Variants in COA1 observed in about 807,000 individuals in gnomAD.
COA1 encodes the protein cytochrome c oxidase assembly factor 1 homolog.
A neutral mutation model predicts 16.0 loss-of-function variants in COA1; 13 were observed. That is an observed-to-expected ratio of 0.81 (90% CI 0.53 to 1.29). The LOEUF is 1.29. Among genes scored for constraint, COA1 ranks in the 50% most tolerant of loss-of-function variants. COA1 has a pLI of 0.00. For missense variants in COA1, 179 were observed against 177.0 expected (o/e 1.01, Z -0.06); for synonymous variants, 65 against 65.7 (o/e 0.99, Z 0.05).
At chr7:43,640,466 C>G (rs2086765971) in intron 5 of COA1, 107 bp downstream of exon 5, 1 of 838,328 alleles carries the variant, frequency 1.2e-6, no homozygotes, top group Admixed American at 2.7e-5. Context: ...AAAAATAATT[C>G]TTCCTATGCC....
intron 1 of COA1, chr7:43,650,417 G>A (rs2090503634): frequency 6.6e-6 from 1 of 152,172 alleles, no homozygotes; most frequent in South Asian, 2.1e-4. Flanking sequence ...AATAGGTAAG[G>A]AAATGAAGAT....
intron 6 of COA1, among the ~76,000 whole-genome samples, chr7:43,629,840 T>C (rs1176595303): frequency 7.9e-5 from 12 of 152,258 alleles, no homozygotes; most frequent in Admixed American, 7.2e-4. Flanking sequence ...TCCTGACTGC[T>C]CGTCAAGAAC....
intron 6 of COA1, chr7:43,631,452 C>T (rs2085164485): frequency 6.6e-6 from 1 of 152,326 alleles, no homozygotes; most frequent in Admixed American, 6.5e-5. Flanking sequence ...TCTCAAACTC[C>T]TGACTTCAAG....
At chr7:43,712,554 C>T (rs754469873) in intron 1 of COA1, among the ~76,000 whole-genome samples, 3 of 152,192 alleles carry the variant, frequency 2.0e-5, no homozygotes, top group Non-Finnish European at 2.9e-5. Flanking sequence ...CTTTACCACA[C>T]GGTGTCCTGA....
chr7:43,674,308 T>C (rs1439198066), intron 1 of COA1, among the ~76,000 whole-genome samples: 1 of 152,218 alleles, frequency 6.6e-6, no homozygotes, highest in Non-Finnish European at 1.5e-5. Flanking sequence ...ATCAAAACTA[T>C]TCTTAAAATT....
intron 1 of COA1, among the ~76,000 whole-genome samples, chr7:43,674,305 C>T (rs1229501419): frequency 6.6e-6 from 1 of 152,166 alleles, no homozygotes; most frequent in Non-Finnish European, 1.5e-5. Context: ...AAAATCAAAA[C>T]TATTCTTAAA....
At chr7:43,691,079 A>G (rs1396055114) in intron 1 of COA1, among the ~76,000 whole-genome samples, 1 of 145,768 alleles carries the variant, frequency 6.9e-6, no homozygotes, top group Non-Finnish European at 1.5e-5. Context: ...AAAAAAAAAC[A>G]AAAAGAAAAG....
chr7:43,728,051 T>C (rs12056127), intron 1 of COA1, among the ~76,000 whole-genome samples: 12,651 of 151,238 alleles, frequency 0.084, 628 homozygotes, highest in East Asian at 0.18. Context: ...CTCGGCTCAC[T>C]GCAAGCTCCA....
intron 1 of COA1, chr7:43,665,541 TAAG>T (rs1762293079): frequency 6.6e-6 from 1 of 152,328 alleles, no homozygotes; most frequent in South Asian, 2.1e-4. Context: ...TCACAGAACT[TAAG>T]AAGAGTTCTG....
chr7:43,688,156 T>C (rs969899261), intron 1 of COA1, among the ~76,000 whole-genome samples: 1 of 152,200 alleles, frequency 6.6e-6, no homozygotes, highest in African/African-American at 2.4e-5. Context: ...GTTCCAAGTT[T>C]TGGGTATGTC....
intron 1 of COA1, among the ~76,000 whole-genome samples, chr7:43,679,512 T>G (rs1332390151): frequency 1.3e-5 from 2 of 152,038 alleles, no homozygotes; most frequent in South Asian, 2.1e-4. Flanking sequence ...CACAATAAAC[T>G]GGAATCCTAA....
intron 1 of COA1, among the ~76,000 whole-genome samples, chr7:43,725,813 C>T (rs895773461): frequency 1.3e-4 from 19 of 151,634 alleles, no homozygotes; most frequent in African/African-American, 4.6e-4. Context: ...AAGCCGAGAT[C>T]GCACCATTGC....
chr7:43,696,815 T>C (rs1011216106), intron 1 of COA1, among the ~76,000 whole-genome samples: 1 of 149,148 alleles, frequency 6.7e-6, no homozygotes, highest in Non-Finnish European at 1.5e-5. Flanking sequence ...TCCATTTTGT[T>C]TTCTTTCTTT....
chr7:43,722,531 T>G (rs2095529756), intron 1 of COA1, among the ~76,000 whole-genome samples: 1 of 152,156 alleles, frequency 6.6e-6, no homozygotes, highest in African/African-American at 2.4e-5. Context: ...CAGCTGCGAG[T>G]AGCTAGGACT....
At chr7:43,702,508 T>C (rs545342498) in intron 1 of COA1, among the ~76,000 whole-genome samples, 2 of 152,346 alleles carry the variant, frequency 1.3e-5, no homozygotes, top group African/African-American at 4.8e-5. Flanking sequence ...CCTTGTAGCA[T>C]AGTTTGAAGT....
intron 1 of COA1, among the ~76,000 whole-genome samples, chr7:43,686,274 TGTGTTCTGGCTA>T (rs1160377334): frequency 5.0e-4 from 25 of 49,936 alleles, no homozygotes; most frequent in African/African-American, 2.6e-3. Context: ...CTGGAGGTAC[TGTGTTCTGGCTA>T]TGTGTTCTGG....
chr7:43,651,954 GC>G (rs532077545), intron 1 of COA1, among the ~76,000 whole-genome samples: 71 of 152,304 alleles, frequency 4.7e-4, no homozygotes, highest in African/African-American at 1.7e-3. Context: ...CCGAGACCAT[GC>G]CCCTGCACTC....
intron 6 of COA1, among the ~76,000 whole-genome samples, chr7:43,628,308 A>T (rs1021920099): frequency 1.4e-5 from 2 of 146,792 alleles, no homozygotes; most frequent in African/African-American, 4.9e-5. Flanking sequence ...GTTCCTTTTT[A>T]TTGTTGTGTC....
intron 6 of COA1, chr7:43,633,124 A>G (rs1206651443): frequency 1.3e-5 from 2 of 152,184 alleles, no homozygotes; most frequent in African/African-American, 2.4e-5. Context: ...TCTTTTTCCA[A>G]TAAAATGCTG....
Sources: gnomAD v4.1 joint callset for allele counts (sites outside exome capture counted in the v4.1 genomes callset) on GRCh38, gnomAD v4.1.1 for gene constraint, MANE v1.5 for transcripts, NCBI Gene and HGNC (gene_info 2026-07-23, HGNC 2026-07-21) for gene names.